The following NEGR1 variants were observed in gnomAD, a reference collection of about 807,000 sequenced individuals.
The protein encoded by NEGR1 is neuronal growth regulator 1.
NEGR1 carries 10 observed loss-of-function variants against 40.9 expected under a neutral mutation model. The ratio of observed to expected loss-of-function variants is 0.24; its 90% CI spans 0.15 to 0.42. The LOEUF (loss-of-function observed/expected upper bound fraction) is 0.42. Ranked by LOEUF, NEGR1 falls within the 10% of genes least tolerant of loss-of-function variation. NEGR1 has a pLI of 1.00. For missense variants in NEGR1, 352 were observed against 438.9 expected, an observed-to-expected ratio of 0.80 and a Z score of 1.77; for synonymous variants, 185 against 166.8, an observed-to-expected ratio of 1.11 and a Z score of -0.84.
chr1:72,252,820 T>G (rs72941302), intron 1 of NEGR1, among the ~76,000 whole-genome samples: 3,969 of 152,318 alleles, frequency 0.026, 163 homozygotes, highest in African/African-American at 0.09. Context: ...TATAAATTTA[T>G]GGATCTAATA....
At chr1:71,866,377 A>T (rs921165840) in intron 2 of NEGR1, among the ~76,000 whole-genome samples, 1 of 152,318 alleles carries the variant, frequency 6.6e-6, no homozygotes, top group East Asian at 1.9e-4. Context: ...AATCCATTAT[A>T]ATGTCAGTAA....
chr1:71,766,296 A>G (rs1656129394), intron 3 of NEGR1, among the ~76,000 whole-genome samples: 1 of 152,202 alleles, frequency 6.6e-6, no homozygotes, highest in Admixed American at 6.5e-5. Context: ...GGACCTGACA[A>G]ATAGGAAGAA....
At chr1:72,062,648 G>A (rs549721599) in intron 1 of NEGR1, among the ~76,000 whole-genome samples, 1 of 151,990 alleles carries the variant, frequency 6.6e-6, no homozygotes, top group East Asian at 1.9e-4. Flanking sequence ...TATAGTCTGA[G>A]GGCTCTGTGC....
chr1:71,623,290 C>T (rs896135521), intron 4 of NEGR1, among the ~76,000 whole-genome samples: 20 of 151,834 alleles, frequency 1.3e-4, no homozygotes, highest in African/African-American at 4.8e-4. Context: ...TTTTCCAACA[C>T]TACAGATATA....
chr1:72,274,826 T>G lies in NEGR1; in HGVS notation c.176+7493A>C, dbSNP rs186123772. 4.0e-5 allele frequency: 61 copies of G among 1,525,414 alleles called. No homozygotes were observed. In the African/African-American group the frequency reaches 7.9e-4, roughly 20 times the overall value. The allele number at this position is 1,525,414 out of a possible 1,614,324, so 94.5% of individuals were successfully genotyped here. A position where few individuals can be genotyped will look rare whatever the true frequency, so the allele number is the denominator to read the frequency against. On this transcript the variant is annotated intron_variant, in intron 1 of 6. Coordinates refer to ENST00000357731, the MANE Select transcript of NEGR1 (RefSeq NM_173808.3). Reference sequence around the variant, plus strand: ...GAAAAAGTGGGCCAGGTGATCAGAGTTATTTGCATCCTCAGCCACCCCATC... The same window carrying G: ...GAAAAAGTGGGCCAGGTGATCAGAGGTATTTGCATCCTCAGCCACCCCATC...
intron 5 of NEGR1, among the ~76,000 whole-genome samples, chr1:71,594,801 C>T (rs1284802775): frequency 3.3e-5 from 5 of 152,168 alleles, no homozygotes; most frequent in African/African-American, 1.2e-4. Flanking sequence ...GTTTCATTGC[C>T]TTGCAAGTTT....
chr1:71,439,242 A>G (rs908593648), intron 6 of NEGR1, among the ~76,000 whole-genome samples: 2 of 152,204 alleles, frequency 1.3e-5, no homozygotes, highest in Non-Finnish European at 2.9e-5. Context: ...TCATTTACAA[A>G]TCCCAAAACT....
chr1:71,668,598 T>C (rs1474208045), intron 4 of NEGR1, among the ~76,000 whole-genome samples: 3 of 152,092 alleles, frequency 2.0e-5, no homozygotes, highest in Non-Finnish European at 4.4e-5. Flanking sequence ...AGATAAAACG[T>C]GACTGAAAGG....
chr1:72,275,996 T>A (rs1379159449), intron 1 of NEGR1, among the ~76,000 whole-genome samples: 1 of 151,998 alleles, frequency 6.6e-6, no homozygotes, highest in Non-Finnish European at 1.5e-5. Flanking sequence ...CTCAGAGGGC[T>A]AAGGCAAGAG....
At chr1:72,060,944 A>G (rs984072222) in intron 1 of NEGR1, among the ~76,000 whole-genome samples, 2 of 151,580 alleles carry the variant, frequency 1.3e-5, no homozygotes, top group African/African-American at 4.8e-5. Flanking sequence ...GTTTTCCATA[A>G]CATATTCTGA....
intron 1 of NEGR1, among the ~76,000 whole-genome samples, chr1:71,986,534 C>T (rs983823740): frequency 1.3e-5 from 2 of 152,200 alleles, no homozygotes; most frequent in Non-Finnish European, 2.9e-5. Flanking sequence ...TCTCCTCTCT[C>T]CCTTTTTCTG....
At chr1:71,598,560 T>C (rs549742823) in intron 5 of NEGR1, among the ~76,000 whole-genome samples, 23 of 152,172 alleles carry the variant, frequency 1.5e-4, no homozygotes, top group Non-Finnish European at 3.1e-4. Context: ...GTAGGTTCTC[T>C]CCTCCTTCCC....
chr1:71,597,466 C>CTGTGTGTGTGTGTGTGTGTGTG (rs1460180034), intron 5 of NEGR1, among the ~76,000 whole-genome samples: 1 of 17,968 alleles, frequency 5.6e-5, no homozygotes, highest in African/African-American at 7.4e-5. Context: ...CTCTCTCTCT[C>CTGTGTGTGTGTGTGTGTGTGTG]TCTCTCTGTG....
intron 1 of NEGR1, among the ~76,000 whole-genome samples, chr1:72,081,484 C>T (rs1647994128): frequency 6.6e-6 from 1 of 152,022 alleles, no homozygotes; most frequent in African/African-American, 2.4e-5. Context: ...TGTAATTTTC[C>T]TTCTTTGCAC....
intron 2 of NEGR1, among the ~76,000 whole-genome samples, chr1:71,897,783 C>T (rs933470063): frequency 3.3e-5 from 5 of 152,042 alleles, no homozygotes; most frequent in African/African-American, 7.2e-5. Flanking sequence ...GTTTGGTCAA[C>T]ACTTATGGTA....
At chr1:71,829,893 C>G (rs1658779414) in intron 2 of NEGR1, among the ~76,000 whole-genome samples, 1 of 151,872 alleles carries the variant, frequency 6.6e-6, no homozygotes, top group African/African-American at 2.4e-5. Flanking sequence ...AAATAACTAC[C>G]TCCCCCAAGG....
At chr1:71,680,026 T>G (rs889162022) in intron 4 of NEGR1, among the ~76,000 whole-genome samples, 1 of 152,076 alleles carries the variant, frequency 6.6e-6, no homozygotes, top group Non-Finnish European at 1.5e-5. Context: ...TATGCTAATA[T>G]CTTGTTTAGA....
chr1:72,068,956 G>A (rs1033341444), intron 1 of NEGR1, among the ~76,000 whole-genome samples: 1 of 152,114 alleles, frequency 6.6e-6, no homozygotes, highest in African/African-American at 2.4e-5. Flanking sequence ...CAAGTAAAAT[G>A]TTGGTCAATT....
intron 1 of NEGR1, among the ~76,000 whole-genome samples, chr1:72,135,116 C>G: frequency 6.6e-6 from 1 of 150,424 alleles, no homozygotes; most frequent in East Asian, 2.0e-4. Context: ...GTGGCTCAGG[C>G]CTGTAATCCC....
Sources: allele counts gnomAD v4.1 joint callset (sites outside exome capture counted in the v4.1 genomes callset), GRCh38; gene constraint gnomAD v4.1.1; transcripts MANE v1.5; gene names NCBI Gene and HGNC (gene_info 2026-07-23, HGNC 2026-07-21).